Variants in PTPRT observed in about 807,000 individuals in gnomAD.
PTPRT encodes the protein protein tyrosine phosphatase receptor type T.
A neutral mutation model predicts 176.8 loss-of-function variants in PTPRT; 56 were observed. That is an observed-to-expected ratio of 0.32 (90% confidence interval 0.26 to 0.40). The LOEUF (loss-of-function observed/expected upper bound fraction) is 0.40, where lower values mean the gene tolerates loss of function less well. Ranked by LOEUF, PTPRT falls within the 10% of genes least tolerant of loss-of-function variation. The probability of loss-of-function intolerance (pLI) is 1.00; values close to 1 mark genes in which losing one functional copy is unlikely to be tolerated. For synonymous variants in PTPRT, 783 were observed against 739.0 expected (o/e 1.06, Z -0.96); for missense variants, 1,540 against 1,908.2 (o/e 0.81, Z 3.60).
At chr20:42,095,103 C>T (rs996363086) in intron 27 of PTPRT, among the ~76,000 whole-genome samples, 1 of 152,148 alleles carries the variant, frequency 6.6e-6, no homozygotes, top group African/African-American at 2.4e-5. Context: ...GAATCTACCC[C>T]CCAGTTCAAC....
intron 11 of PTPRT, among the ~76,000 whole-genome samples, chr20:42,327,416 T>C (rs2057900890): frequency 6.6e-6 from 1 of 152,096 alleles, no homozygotes; most frequent in Admixed American, 6.6e-5. Flanking sequence ...TTGGGGAAAT[T>C]TGAATGTGAC....
At chr20:42,084,923 G>T (rs1419187735) in intron 28 of PTPRT, 78 bp from the exon 29 acceptor site, 1 of 1,244,274 alleles carries the variant, frequency 8.0e-7, no homozygotes, top group Non-Finnish European at 1.0e-6. Context: ...CCCGGGGACT[G>T]CAGCATCATG....
At chr20:42,243,818 T>C (rs2056401227) in intron 14 of PTPRT, among the ~76,000 whole-genome samples, 1 of 152,218 alleles carries the variant, frequency 6.6e-6, no homozygotes, top group Non-Finnish European at 1.5e-5. Flanking sequence ...AACTTCAGTT[T>C]CTTCTTTTCA....
chr20:42,709,318 G>T (rs368250593), intron 6 of PTPRT, among the ~76,000 whole-genome samples: 1 of 152,202 alleles, frequency 6.6e-6, no homozygotes, highest in Non-Finnish European at 1.5e-5. Flanking sequence ...CTGGTGGAAG[G>T]TGTTTCGGTC....
At chr20:42,642,253 A>G (rs189325761) in intron 7 of PTPRT, among the ~76,000 whole-genome samples, 1 of 152,144 alleles carries the variant, frequency 6.6e-6, no homozygotes, top group Admixed American at 6.6e-5. Context: ...TCAGAATTAG[A>G]TTTTCTGCAT....
chr20:43,092,416 G>A (rs991292521), intron 1 of PTPRT, among the ~76,000 whole-genome samples: 1 of 152,226 alleles, frequency 6.6e-6, no homozygotes, highest in Non-Finnish European at 1.5e-5. Context: ...GATATAAAGT[G>A]AGAAATATGC....
rs564997162 is a variant in PTPRT at position 42,182,726 on chromosome 20, C to T, written c.2491+16514G>A. Among the ~76,000 whole-genome samples the T allele has an allele frequency of 2.0e-5, 3 of 152,234 alleles. No homozygotes were observed. The East Asian group carries it at 5.8e-4, about 29-fold the overall frequency. On this transcript the variant is annotated intron_variant, in intron 16 of 30. Transcript: ENST00000373187. ...TGTCCAAAAATTTCCAGGTATCACA[C>T]CCTCAAAATACTGACTAATCAATAC...
Position 42,234,182 on chromosome 20 carries a change from A to G in PTPRT, c.2342+2047T>C, listed in dbSNP as rs140516717. 5.4e-3 allele frequency among the ~76,000 whole-genome samples: 815 copies of G among 152,308 alleles called. 11 individuals are homozygous for G. Among genetic ancestry groups the G allele is most frequent in the African/African-American group, 0.019 (775 of 41,556 alleles). ...TGCCATGAACCCTGTGGTTTCTGAA[A>G]GGGGAAATAAAGAAAACTAATATTT... On this transcript the variant is annotated intron_variant, in intron 15 of 30. Transcript: ENST00000373187.
intron 6 of PTPRT, among the ~76,000 whole-genome samples, chr20:42,749,375 C>G (rs559890587): frequency 6.6e-6 from 1 of 152,162 alleles, no homozygotes; most frequent in South Asian, 2.1e-4. Context: ...TGGGGCCAGT[C>G]GGAGAGGCTA....
chr20:42,083,167 G>A (rs1305032613), intron 29 of PTPRT, among the ~76,000 whole-genome samples: 2 of 143,644 alleles, frequency 1.4e-5, no homozygotes, highest in African/African-American at 5.1e-5. Flanking sequence ...GAGAGAGAGA[G>A]AGAGGAGAGA....
intron 1 of PTPRT, among the ~76,000 whole-genome samples, chr20:42,988,384 G>A (rs1983715768): frequency 1.3e-5 from 2 of 152,114 alleles, no homozygotes; most frequent in Non-Finnish European, 1.5e-5. Flanking sequence ...TAGTTGAAGT[G>A]GTGACATTTA....
chr20:42,197,104 G>A (rs1376117017), intron 16 of PTPRT, among the ~76,000 whole-genome samples: 1 of 152,180 alleles, frequency 6.6e-6, no homozygotes, highest in Non-Finnish European at 1.5e-5. Context: ...TCAAGGCTGG[G>A]TGTGGTGGCT....
intron 7 of PTPRT, among the ~76,000 whole-genome samples, chr20:42,515,587 G>C (rs933773043): frequency 2.6e-5 from 4 of 151,960 alleles, no homozygotes; most frequent in Non-Finnish European, 4.4e-5. Flanking sequence ...TTGCAGCTGG[G>C]GTACAGAAAT....
intron 1 of PTPRT, among the ~76,000 whole-genome samples, chr20:42,915,986 TA>T (rs959350993): frequency 6.6e-6 from 1 of 152,088 alleles, no homozygotes; most frequent in African/African-American, 2.4e-5. Flanking sequence ...TATTATACTT[TA>T]AGTTTTAGGG....
At chr20:42,458,330 T>C (rs2070959282) in intron 8 of PTPRT, among the ~76,000 whole-genome samples, 1 of 152,330 alleles carries the variant, frequency 6.6e-6, no homozygotes, top group Non-Finnish European at 1.5e-5. Context: ...AATTAAACAA[T>C]GATCAAGGGT....
chr20:42,818,233 G>A (rs1024425436), intron 2 of PTPRT, among the ~76,000 whole-genome samples: 1 of 152,026 alleles, frequency 6.6e-6, no homozygotes, highest in Non-Finnish European at 1.5e-5. Context: ...CAAATCAGAT[G>A]ACTAGGTCCT....
intron 6 of PTPRT, among the ~76,000 whole-genome samples, chr20:42,724,976 C>T (rs2076357165): frequency 6.6e-6 from 1 of 151,598 alleles, no homozygotes; most frequent in African/African-American, 2.4e-5. Context: ...AGAATACATT[C>T]ATAGATTCTT....
At chr20:42,235,136 A>G (rs1383420365) in intron 15 of PTPRT, among the ~76,000 whole-genome samples, 3 of 152,188 alleles carry the variant, frequency 2.0e-5, no homozygotes, top group African/African-American at 2.4e-5. Context: ...TAGAAAGTGC[A>G]TATTAGGAAT....
intron 12 of PTPRT, among the ~76,000 whole-genome samples, chr20:42,292,683 C>T (rs2057335647): frequency 6.6e-6 from 1 of 152,162 alleles, no homozygotes; most frequent in African/African-American, 2.4e-5. Context: ...TCTTGGGTTG[C>T]AGGCAGGCAC....
Sources: allele counts gnomAD v4.1 joint callset (sites outside exome capture counted in the v4.1 genomes callset), GRCh38; gene constraint gnomAD v4.1.1; transcripts MANE v1.5; gene names NCBI Gene and HGNC (gene_info 2026-07-23, HGNC 2026-07-21).